Variants in DYRK4 observed in about 807,000 individuals in gnomAD.
DYRK4 encodes dual specificity tyrosine-phosphorylation-regulated kinase 4.
DYRK4 carries 64 observed loss-of-function variants against 68.3 expected under a neutral mutation model. That is an observed-to-expected ratio of 0.94 (90% CI 0.77 to 1.15). DYRK4 has a LOEUF of 1.15. DYRK4 is among the 50% of genes most tolerant of loss of function. The pLI is 0.00. For synonymous variants in DYRK4, 274 were observed against 289.9 expected, an observed-to-expected ratio of 0.95 and a Z score of 0.56; for missense variants, 740 against 764.7, an observed-to-expected ratio of 0.97 and a Z score of 0.38.
rs1400318361 is a variant in DYRK4 at position 4,599,779 on chromosome 12, C to T, written c.1117C>T (p.His373Tyr). ...VIDFGSSCYE[H>Y]QKVYTYIQSR... The stretch of plus-strand genomic sequence containing the variant: ...TGACTTTGGATCAAGCTGTTATGAA[C>T]ACCAGAAAGGTGAGCCCCATGTCAG... The change falls in exon 10 of 15, where the codon CAC (histidine) becomes TAC (tyrosine). Residue 373 changes from histidine to tyrosine, a missense_variant. By Grantham distance (83) the His-to-Tyr change is moderately conservative. Transcript: ENST00000543431. The T allele has an allele frequency of 1.2e-6, 2 of 1,613,766 alleles. No homozygotes were observed. The highest frequency in any genetic ancestry group is 1.7e-6 in the Non-Finnish European group (2 of 1,179,840).
intron 13 of DYRK4, 181 bp downstream of exon 13, chr12:4,610,465 C>A: frequency 1.8e-6 from 1 of 552,996 alleles, no homozygotes; most frequent in Non-Finnish European, 3.0e-6. Flanking sequence ...ACATCTCTCC[C>A]TACTGTGTGG....
At chr12:4,612,929 G>A (rs760502892) in intron 14 of DYRK4, 1 of 529,238 alleles carries the variant, frequency 1.9e-6, no homozygotes, top group Non-Finnish European at 3.3e-6. Context: ...GATAATTCTT[G>A]TGGCTACATC....
chr12:4,598,019 T>A (rs1173653534), intron 8 of DYRK4, among the ~76,000 whole-genome samples: 1 of 152,170 alleles, frequency 6.6e-6, no homozygotes, highest in East Asian at 1.9e-4. Flanking sequence ...TGAGCTGAGA[T>A]TGTGCCACTG....
intron 2 of DYRK4, among the ~76,000 whole-genome samples, chr12:4,583,976 T>G (rs1226168417): frequency 6.6e-6 from 1 of 152,218 alleles, no homozygotes; most frequent in Non-Finnish European, 1.5e-5. Flanking sequence ...GGGACTGGTC[T>G]TGAAGTTCCA....
At chr12:4,584,219 G>T (rs149329030) in intron 2 of DYRK4, among the ~76,000 whole-genome samples, 1 of 152,286 alleles carries the variant, frequency 6.6e-6, no homozygotes, top group East Asian at 1.9e-4. Flanking sequence ...AGGTTTCTGG[G>T]CTCTACTGCT....
At chr12:4,609,426 G>A (rs879266840) in intron 12 of DYRK4, among the ~76,000 whole-genome samples, 1 of 152,190 alleles carries the variant, frequency 6.6e-6, no homozygotes, top group Non-Finnish European at 1.5e-5. Flanking sequence ...TGGGAAACAC[G>A]GTTGTCCACT....
intron 11 of DYRK4, 26 bp downstream of exon 11, chr12:4,605,112 C>T (rs1375745872): frequency 6.3e-7 from 1 of 1,599,250 alleles, no homozygotes; most frequent in Admixed American, 1.7e-5. Context: ...GCGGTCGGCT[C>T]CCACGGAGAC....
At chr12:4,582,996 A>G (rs1247197999) in intron 2 of DYRK4, among the ~76,000 whole-genome samples, 1 of 152,206 alleles carries the variant, frequency 6.6e-6, no homozygotes, top group Non-Finnish European at 1.5e-5. Flanking sequence ...GCGGAGAGGC[A>G]GGAAAACTGC....
chr12:4,568,642 TC>T (rs1405231422), intron 2 of DYRK4, among the ~76,000 whole-genome samples: 4 of 152,322 alleles, frequency 2.6e-5, no homozygotes, highest in Non-Finnish European at 5.9e-5. Context: ...CGCCTCGGCC[TC>T]CCAAAGGGCT....
In DYRK4 at chr12:4,613,423, G is replaced by C; in HGVS notation, c.1667-92G>C. 1 of 1,465,562 alleles carries C rather than the reference G, an allele frequency of 6.8e-7. No homozygotes were observed. The allele number at this position is 1,465,562 out of a possible 1,614,324, so 90.8% of individuals were successfully genotyped here. ...CTGTTTTTATATCATCACGGTCATC[G>C]TTTCCACTAAGTGATGTACAACCTA... On this transcript the variant is annotated intron_variant, in intron 14 of 14. Transcript: ENST00000543431. The surrounding 1 kb of genome is among the most constrained non-coding windows in gnomAD (Gnocchi z 4.0).
chr12:4,575,865 T>C (rs1032461168), intron 2 of DYRK4, among the ~76,000 whole-genome samples: 1 of 152,214 alleles, frequency 6.6e-6, no homozygotes, highest in South Asian at 2.1e-4. Flanking sequence ...GTCTGTTTTT[T>C]ATTTATTTAA....
chr12:4,608,186 A>G (rs1945175768), intron 12 of DYRK4, among the ~76,000 whole-genome samples: 1 of 152,230 alleles, frequency 6.6e-6, no homozygotes, highest in Admixed American at 6.5e-5. Flanking sequence ...AGAAACAGCC[A>G]GAGTGGGCTG....
At chr12:4,597,248 G>T (rs534211116) in intron 8 of DYRK4, 37 of 672,158 alleles carry the variant, frequency 5.5e-5, no homozygotes, top group East Asian at 2.7e-4. Context: ...AGCTGACAAG[G>T]CATGCTACTT....
intron 13 of DYRK4, 92 bp downstream of exon 13, chr12:4,610,376 T>C: frequency 7.6e-7 from 1 of 1,312,166 alleles, no homozygotes; most frequent in Non-Finnish European, 1.0e-6. Context: ...GGCTGGGAGA[T>C]AGTTATAAAA....
intron 1 of DYRK4, among the ~76,000 whole-genome samples, chr12:4,565,931 C>G (rs1407664335): frequency 1.3e-5 from 2 of 152,192 alleles, no homozygotes; most frequent in Non-Finnish European, 2.9e-5. Flanking sequence ...GCCCATCCCA[C>G]ATGTACTTTC....
At chr12:4,603,983 T>A (rs1945111405) in intron 10 of DYRK4, among the ~76,000 whole-genome samples, 1 of 152,188 alleles carries the variant, frequency 6.6e-6, no homozygotes, top group Non-Finnish European at 1.5e-5. Flanking sequence ...TACTCTCAAA[T>A]CCCAGCTCTG....
At chr12:4,606,007 G>T (rs539812781) in intron 11 of DYRK4, among the ~76,000 whole-genome samples, 6 of 152,046 alleles carry the variant, frequency 3.9e-5, no homozygotes, top group East Asian at 1.9e-4. Flanking sequence ...ACAAAGAATT[G>T]GAAATTATTT....
rs561881860 is a variant in DYRK4, at chr12:4,591,528, G to A, written c.463+230G>A. ...CCAAGGAGTGGCTCTGGGCAAGGGCGGGATGTACCAATGCAGACAGAAGGA... is the reference window on the plus strand; with the variant it reads ...CCAAGGAGTGGCTCTGGGCAAGGGCAGGATGTACCAATGCAGACAGAAGGA... On this transcript the variant is annotated intron_variant, in intron 5 of 14. Transcript: ENST00000543431. This position sits in a 1 kb window ranked among gnomAD's most constrained non-coding sequence, Gnocchi z 4.1. The A allele has an allele frequency of 1.9e-4, 100 of 540,102 alleles. No individual in the cohort carries two copies. The highest frequency in any genetic ancestry group is 7.0e-5 in the South Asian group (2 of 28,452). The allele number at this position is 540,102 out of a possible 1,614,324, so 33.5% of individuals were successfully genotyped here. A position where few individuals can be genotyped will look rare whatever the true frequency, so the allele number is the denominator to read the frequency against.
Position 4,590,426 on chromosome 12 carries a change from TC to T in DYRK4, c.313del (p.Leu105CysfsTer45). 3 of 1,536,004 alleles carry T rather than the reference TC, an allele frequency of 2.0e-6. No homozygotes were observed. Among genetic ancestry groups the T allele is most frequent in the Non-Finnish European group, 2.6e-6 (3 of 1,146,850 alleles). ...HISKKVLLKS[S>X]LLYQENQAHN... is the part of the protein sequence containing the mutation. Reference sequence around the variant, plus strand: ...TAGCAAGAAAGTCCTGCTGAAGTCATCCCTGCTGTATCAGGTGAGTGCAGAC... The same window carrying T: ...TAGCAAGAAAGTCCTGCTGAAGTCATCCTGCTGTATCAGGTGAGTGCAGAC... On this transcript the variant is annotated frameshift_variant, in exon 4 of 15. Coordinates refer to ENST00000543431, the MANE Select transcript of DYRK4 (RefSeq NM_001394779.1). LOFTEE classifies it high-confidence loss of function.
Sources: allele counts gnomAD v4.1 joint callset (sites outside exome capture counted in the v4.1 genomes callset), GRCh38; gene constraint gnomAD v4.1.1; non-coding constraint Gnocchi (gnomAD v3.1); transcripts MANE v1.5; gene names NCBI Gene and HGNC (gene_info 2026-07-23, HGNC 2026-07-21).